MAP2K5: variants seen among roughly 807,000 people sequenced by gnomAD.
MAP2K5 encodes the protein dual specificity mitogen-activated protein kinase kinase 5.
Under a neutral mutation model 83.1 loss-of-function variants are expected in MAP2K5, and 49 were observed. The observed-to-expected ratio is 0.59, with a 90% CI of 0.47 to 0.75. The LOEUF is 0.75. Ranked by LOEUF, MAP2K5 falls within the 30% of genes least tolerant of loss-of-function variation. MAP2K5 has a pLI of 0.00. For synonymous variants in MAP2K5, 202 were observed against 191.8 expected (o/e 1.05, Z -0.44); for missense variants, 457 against 557.5 (o/e 0.82, Z 1.82).
chr15:67,546,268 G>A (rs892998354), intron 1 of MAP2K5: 1 of 152,284 alleles, frequency 6.6e-6, no homozygotes, highest in Non-Finnish European at 1.5e-5. Flanking sequence ...AAGTCACGTG[G>A]AACCTGGAAG....
chr15:67,612,372 GT>G (rs1196919195), intron 8 of MAP2K5, among the ~76,000 whole-genome samples: 1 of 152,116 alleles, frequency 6.6e-6, no homozygotes, highest in African/African-American at 2.4e-5. Context: ...TTCTAACACA[GT>G]TTATATATTT....
chr15:67,597,019 A>G (rs1024651034), intron 7 of MAP2K5, among the ~76,000 whole-genome samples: 3 of 152,020 alleles, frequency 2.0e-5, no homozygotes, highest in African/African-American at 4.8e-5. Context: ...AAAAAATACA[A>G]TTAGCTGGGC....
chr15:67,647,053 A>G (rs2086847016), intron 11 of MAP2K5, among the ~76,000 whole-genome samples: 1 of 152,176 alleles, frequency 6.6e-6, no homozygotes, highest in East Asian at 1.9e-4. Context: ...TATCAGTGAA[A>G]TGATGTCATC....
At chr15:67,545,030 A>G (rs1339169232) in intron 1 of MAP2K5, among the ~76,000 whole-genome samples, 1 of 152,094 alleles carries the variant, frequency 6.6e-6, no homozygotes, top group East Asian at 1.9e-4. Flanking sequence ...CACCTGTGTC[A>G]TCTCTCTTCA....
chr15:67,730,819 G>T (rs769971978), intron 17 of MAP2K5, among the ~76,000 whole-genome samples: 3 of 152,186 alleles, frequency 2.0e-5, no homozygotes, highest in Non-Finnish European at 4.4e-5. Context: ...ATTGAGAGGA[G>T]TGGCCTATTG....
chr15:67,758,101 GT>G lies in MAP2K5; in HGVS notation c.1134+9504del, dbSNP rs1368919367. On this transcript the variant is annotated intron_variant, in intron 19 of 21. Transcript: ENST00000178640. This position sits in a 1 kb window ranked among gnomAD's most constrained non-coding sequence, Gnocchi z 4.7. ...GAGGGAGGATGGGGAGACTGAAAGA[GT>G]TTTAAGCAAGAGGTCAACGTAGCCA... 6.6e-6 allele frequency among the ~76,000 whole-genome samples: 1 copy of G among 152,168 alleles called. No individual in the cohort carries two copies. Among genetic ancestry groups the G allele is most frequent in the Admixed American group, 6.5e-5 (1 of 15,274 alleles).
Position 67,550,066 on chromosome 15 carries a change from A to G in MAP2K5, c.168A>G (p.Thr56=). Residue 56 remains threonine (T), a synonymous_variant, in exon 2 of 22, where the codon ACA becomes ACG. Coordinates refer to ENST00000178640, the MANE Select transcript of MAP2K5 (RefSeq NM_145160.3). ...DVIGQVLPEA[T]TTAFEYEDED... ...TAGGCCAGGTTCTGCCTGAAGCAAC[A>G]ACTACAGCATTTGAATGTAAGTCTG... 1 of 1,613,758 alleles carries G rather than the reference A, an allele frequency of 6.2e-7. No homozygotes were observed. The highest frequency in any genetic ancestry group is 8.5e-7 in the Non-Finnish European group (1 of 1,179,718).
intron 6 of MAP2K5, among the ~76,000 whole-genome samples, chr15:67,592,490 T>C (rs2085436168): frequency 6.6e-6 from 1 of 152,224 alleles, no homozygotes; most frequent in African/African-American, 2.4e-5. Context: ...AGCTGAATTA[T>C]AACTTTTAAC....
intron 2 of MAP2K5, among the ~76,000 whole-genome samples, chr15:67,550,725 A>G (rs560822877): frequency 6.6e-6 from 1 of 151,036 alleles, no homozygotes; most frequent in East Asian, 1.9e-4. Flanking sequence ...TAAGAACTGT[A>G]GTTTTTTTTT....
chr15:67,600,677 T>C lies in MAP2K5; in HGVS notation c.481-8T>C. On this transcript the variant is annotated splice_region_variant and splice_polypyrimidine_tract_variant and intron_variant, in intron 7 of 21. Coordinates refer to ENST00000178640, the MANE Select transcript of MAP2K5 (RefSeq NM_145160.3). ...CACCCTTTTTGTTTTTCTTTCTTTC[T>C]TGTGGAGATGAATGAACAAGACATA... 1 of 1,609,074 alleles carries C rather than the reference T, an allele frequency of 6.2e-7. No homozygotes were observed. Among genetic ancestry groups the C allele is most frequent in the Admixed American group, 1.7e-5 (1 of 58,794 alleles).
intron 6 of MAP2K5, among the ~76,000 whole-genome samples, chr15:67,588,588 T>C (rs1378556099): frequency 2.6e-5 from 4 of 152,256 alleles, no homozygotes; most frequent in Non-Finnish European, 5.9e-5. Context: ...CCACATAGAT[T>C]ATAGTCAATC....
At chr15:67,609,543 T>C (rs1335312618) in intron 8 of MAP2K5, among the ~76,000 whole-genome samples, 8 of 88,932 alleles carry the variant, frequency 9.0e-5, no homozygotes, top group African/African-American at 3.0e-4. Flanking sequence ...TGTAGACCTA[T>C]TCTATAGGTC....
intron 8 of MAP2K5, among the ~76,000 whole-genome samples, chr15:67,623,586 C>G (rs1421543514): frequency 7.6e-6 from 1 of 131,696 alleles, no homozygotes; most frequent in African/African-American, 2.8e-5. Context: ...AGTTTGAAAA[C>G]TTACTATCTT....
At chr15:67,648,533 A>G (rs2086879984) in intron 11 of MAP2K5, among the ~76,000 whole-genome samples, 1 of 150,164 alleles carries the variant, frequency 6.7e-6, no homozygotes, top group Non-Finnish European at 1.5e-5. Context: ...ATGCTACTCT[A>G]TATATTTGTG....
At chr15:67,791,694 G>C (rs1479242772) in intron 21 of MAP2K5, among the ~76,000 whole-genome samples, 1 of 152,182 alleles carries the variant, frequency 6.6e-6, no homozygotes, top group Non-Finnish European at 1.5e-5. Context: ...ATGCCATCCA[G>C]CTGCTTTATG....
chr15:67,690,368 G>A lies in MAP2K5; in HGVS notation c.848-2111G>A, dbSNP rs573284730. On this transcript the variant is annotated intron_variant, in intron 13 of 21. Transcript: ENST00000178640. The surrounding 1 kb of genome is among the most constrained non-coding windows in gnomAD (Gnocchi z 4.3). ...GGAATTCATGTTCTGGTTGGTGGGG[G>A]GCATGTCAGAGAATACTTAACCTCC... Among the ~76,000 whole-genome samples, 1 of 152,096 alleles carries A rather than the reference G, an allele frequency of 6.6e-6. No homozygotes were observed. The highest frequency in any genetic ancestry group is 2.1e-4 in the South Asian group (1 of 4,808).
At chr15:67,661,902 G>A (rs1246380638) in intron 12 of MAP2K5, among the ~76,000 whole-genome samples, 1 of 151,932 alleles carries the variant, frequency 6.6e-6, no homozygotes, top group African/African-American at 2.4e-5. Flanking sequence ...AATTGTTATC[G>A]TTATGGATGT....
intron 19 of MAP2K5, among the ~76,000 whole-genome samples, chr15:67,751,811 A>G (rs1370932340): frequency 6.6e-6 from 1 of 152,054 alleles, no homozygotes; most frequent in Non-Finnish European, 1.5e-5. Context: ...TTATTCTTTC[A>G]CTGAATTTTA....
chr15:67,788,693 T>G, intron 21 of MAP2K5, among the ~76,000 whole-genome samples: 1 of 152,142 alleles, frequency 6.6e-6, no homozygotes, highest in East Asian at 1.9e-4. Context: ...GATTAAAAAT[T>G]TGGCCAGACA....
Sources: allele counts gnomAD v4.1 joint callset (sites outside exome capture counted in the v4.1 genomes callset), GRCh38; gene constraint gnomAD v4.1.1; non-coding constraint Gnocchi (gnomAD v3.1); transcripts MANE v1.5; gene names NCBI Gene and HGNC (gene_info 2026-07-23, HGNC 2026-07-21).